ITGA4: variants seen among roughly 807,000 people sequenced by gnomAD.
ITGA4 encodes integrin subunit alpha 4.
A neutral mutation model predicts 133.6 loss-of-function variants in ITGA4; 63 were observed. That is an observed-to-expected ratio of 0.47 (90% CI 0.38 to 0.58). ITGA4 has a LOEUF of 0.58. Among genes scored for constraint, ITGA4 ranks in the 20% least tolerant of loss-of-function variants. ITGA4 has a pLI of 0.00. For missense variants in ITGA4, 1,076 were observed against 1,252.7 expected (o/e 0.86, Z 2.13); for synonymous variants, 483 against 438.0 (o/e 1.10, Z -1.28).
intron 11 of ITGA4, among the ~76,000 whole-genome samples, chr2:181,494,054 A>G (rs932009474): frequency 6.6e-6 from 1 of 152,220 alleles, no homozygotes; most frequent in African/African-American, 2.4e-5. Flanking sequence ...TAATTGACAT[A>G]AAAGAAATGT....
intron 22 of ITGA4, among the ~76,000 whole-genome samples, chr2:181,528,970 G>T (rs1686887406): frequency 6.6e-6 from 1 of 152,120 alleles, no homozygotes; most frequent in South Asian, 2.1e-4. Flanking sequence ...TCTTCTGAAT[G>T]CATCAGCATA....
At position 181,481,673 on chromosome 2, in the gene ITGA4, A is replaced by G; in HGVS notation, c.830A>G (p.Gln277Arg). Reference sequence around the variant, plus strand: ...GTCGGAGGAGCTCCTCAACATGAGCAGATTGGTAAGGTAAGAATTACATTT... The same window carrying G: ...GTCGGAGGAGCTCCTCAACATGAGCGGATTGGTAAGGTAAGAATTACATTT... The part of the protein sequence containing the change: ...EVVGGAPQHE[Q>R]IGKAYIFSID... The change falls in exon 7 of 28, where the codon CAG (glutamine) becomes CGG (arginine). Residue 277 changes from glutamine (Q) to arginine (R), a missense_variant. Transcript: ENST00000397033. 6.4e-7 allele frequency: 1 copy of G among 1,571,550 alleles called. No individual in the cohort carries two copies. Among genetic ancestry groups the G allele is most frequent in the Non-Finnish European group, 8.7e-7 (1 of 1,144,612 alleles).
At chr2:181,524,598 T>A (rs1686796015) in intron 20 of ITGA4, among the ~76,000 whole-genome samples, 1 of 152,126 alleles carries the variant, frequency 6.6e-6, no homozygotes, top group South Asian at 2.1e-4. Context: ...CTAGAGTAAA[T>A]AGGAAATCGT....
chr2:181,496,461 A>G (rs1686161089), intron 14 of ITGA4, among the ~76,000 whole-genome samples: 2 of 152,174 alleles, frequency 1.3e-5, no homozygotes, highest in South Asian at 4.1e-4. Context: ...TATTAAAAAA[A>G]TTGAAGAAGC....
At chr2:181,493,805 C>A (rs1400593859) in intron 11 of ITGA4, among the ~76,000 whole-genome samples, 1 of 152,158 alleles carries the variant, frequency 6.6e-6, no homozygotes. Flanking sequence ...GGAGATCAAA[C>A]ACACATATGA....
At chr2:181,529,911 T>C (rs1038073523) in intron 23 of ITGA4, among the ~76,000 whole-genome samples, 4 of 152,210 alleles carry the variant, frequency 2.6e-5, no homozygotes, top group Admixed American at 1.3e-4. Flanking sequence ...CATTGAATAA[T>C]TATTTTAAGA....
chr2:181,485,834 T>G, intron 9 of ITGA4, 47 bp from the exon 10 acceptor site: 9 of 1,454,688 alleles, frequency 6.2e-6, no homozygotes, highest in Non-Finnish European at 7.6e-6. Flanking sequence ...CGTGTAAAGT[T>G]GTCAGGGAGT....
chr2:181,538,351 C>T lies in ITGA4; in HGVS notation c.*2824C>T, dbSNP rs556123921. 8.5e-5 allele frequency: 57 copies of T among 672,882 alleles called. No homozygotes were observed. In the African/African-American group the frequency reaches 9.0e-4, roughly 11 times the overall value. 41.7% of individuals were successfully genotyped at this position (672,882 alleles called of 1,614,324 possible). ...GCCAAATACAAATTGATAACAAACA[C>T]AGCATTCCCAACAGAGCTGTAATCT... On this transcript the variant is annotated 3_prime_UTR_variant, in exon 28 of 28. Transcript: ENST00000397033.
At chr2:181,535,313 G>A in intron 27 of ITGA4, 119 bp from the exon 28 acceptor site, 2 of 757,414 alleles carry the variant, frequency 2.6e-6, no homozygotes, top group Non-Finnish European at 2.1e-6. Flanking sequence ...TATGACTGAT[G>A]TTACAAGGGA....
intron 15 of ITGA4, among the ~76,000 whole-genome samples, chr2:181,505,962 A>G (rs1686384253): frequency 1.3e-5 from 2 of 152,052 alleles, no homozygotes; most frequent in Non-Finnish European, 2.9e-5. Context: ...TTCCGTTTTC[A>G]CAAGTCGATA....
rs751656504 is a variant in ITGA4, at chr2:181,535,571, T to C, written c.*44T>C. 3 of 1,544,552 alleles carry C rather than the reference T, an allele frequency of 1.9e-6. No individual in the cohort carries two copies. Among genetic ancestry groups the C allele is most frequent in the Admixed American group, 4.2e-5 (2 of 48,096 alleles). On this transcript the variant is annotated 3_prime_UTR_variant, in exon 28 of 28. Transcript: ENST00000397033. ...GAGAATGGAAAACAGACTCAGGTTG[T>C]AGTAAAGAAATTTAAAAGACACTGT...
chr2:181,536,718 A>AGGTTCTATTTTAAATGACTT lies in ITGA4; in HGVS notation c.*1192_*1211dup, dbSNP rs1687123549. The stretch of plus-strand genomic sequence containing the variant: ...TTTTATAGTTTGTTCATACTATATG[A>AGGTTCTATTTTAAATGACTT]GGTTCTATTTTAAATGACTTTCTGG... On this transcript the variant is annotated 3_prime_UTR_variant, in exon 28 of 28. Transcript: ENST00000397033. 1 of 236,486 alleles carries AGGTTCTATTTTAAATGACTT rather than the reference A, an allele frequency of 4.2e-6. No individual in the cohort carries two copies. The highest frequency in any genetic ancestry group is 8.5e-6 in the Non-Finnish European group (1 of 117,204). 14.6% of individuals were successfully genotyped at this position (236,486 alleles called of 1,614,324 possible).
At chr2:181,484,941 A>G (rs1685880827) in intron 9 of ITGA4, among the ~76,000 whole-genome samples, 1 of 152,218 alleles carries the variant, frequency 6.6e-6, no homozygotes, top group African/African-American at 2.4e-5. Flanking sequence ...GAGAAGAATA[A>G]AGGACATGGC....
intron 2 of ITGA4, among the ~76,000 whole-genome samples, chr2:181,460,742 TATCTG>T (rs1685256617): frequency 2.0e-5 from 3 of 152,176 alleles, no homozygotes; most frequent in African/African-American, 7.2e-5. Flanking sequence ...TTAAATCTAT[TATCTG>T]TATGTTATCT....
intron 10 of ITGA4, among the ~76,000 whole-genome samples, chr2:181,486,474 G>A (rs1685920872): frequency 6.6e-6 from 1 of 152,170 alleles, no homozygotes; most frequent in African/African-American, 2.4e-5. Flanking sequence ...CCCCTGCTCT[G>A]CCAGGCATTC....
At chr2:181,494,226 G>T (rs1686114705) in intron 11 of ITGA4, among the ~76,000 whole-genome samples, 1 of 152,168 alleles carries the variant, frequency 6.6e-6, no homozygotes. Flanking sequence ...TCAGTCATAG[G>T]CTCCACTAAG....
rs1687331359 is a variant in ITGA4 at position 181,538,683 on chromosome 2, C to A, written c.*3156C>A. 6.6e-6 allele frequency among the ~76,000 whole-genome samples: 1 copy of A among 152,086 alleles called. No homozygotes were observed. Among genetic ancestry groups the A allele is most frequent in the Non-Finnish European group, 1.5e-5 (1 of 68,012 alleles). On this transcript the variant is annotated 3_prime_UTR_variant, in exon 28 of 28. Transcript: ENST00000397033. ...AATAAAAGCAAATTACTGAACAAAA[C>A]ATGTTACAGTAATTATGAGTGAGAG...
chr2:181,538,397 T>C lies in ITGA4; in HGVS notation c.*2870T>C, dbSNP rs541955037. On this transcript the variant is annotated 3_prime_UTR_variant, in exon 28 of 28. Transcript: ENST00000397033. ...AATCTAGAAAACTGAGAAGGTCTGA[T>C]TGATAAATCATCAACAACAATAATT... Among the ~76,000 whole-genome samples the C allele has an allele frequency of 8.5e-5, 13 of 152,318 alleles. No individual in the cohort carries two copies. The highest frequency in any genetic ancestry group is 2.6e-4 in the African/African-American group (11 of 41,568).
At chr2:181,508,984 A>G (rs1425815947) in intron 15 of ITGA4, among the ~76,000 whole-genome samples, 1 of 151,586 alleles carries the variant, frequency 6.6e-6, no homozygotes, top group Non-Finnish European at 1.5e-5. Flanking sequence ...CTCTATAAAT[A>G]TGAAAAAATG....
Sources: allele counts gnomAD v4.1 joint callset (sites outside exome capture counted in the v4.1 genomes callset), GRCh38; gene constraint gnomAD v4.1.1; transcripts MANE v1.5; gene names NCBI Gene and HGNC (gene_info 2026-07-23, HGNC 2026-07-21).